HPSE2: variants seen among roughly 807,000 people sequenced by gnomAD.
The protein encoded by HPSE2 is heparanase 2 (inactive).
In HPSE2, 38 loss-of-function variants were observed where a neutral mutation model predicts 60.5. The ratio of observed to expected loss-of-function variants is 0.63; its 90% CI spans 0.48 to 0.82. HPSE2 has a LOEUF of 0.82. Among genes scored for constraint, HPSE2 ranks in the 40% least tolerant of loss-of-function variants. The pLI is 0.00. For synonymous variants in HPSE2, 295 were observed against 293.2 expected (o/e 1.01, Z -0.06); for missense variants, 713 against 740.4 (o/e 0.96, Z 0.43).
intron 9 of HPSE2, among the ~76,000 whole-genome samples, chr10:98,550,890 T>A (rs1943844741): frequency 6.6e-6 from 1 of 152,166 alleles, no homozygotes; most frequent in African/African-American, 2.4e-5. Flanking sequence ...ATTACAGGCA[T>A]GAGCCACTGA....
chr10:99,017,181 T>C (rs1241823172), intron 3 of HPSE2, among the ~76,000 whole-genome samples: 1 of 152,156 alleles, frequency 6.6e-6, no homozygotes, highest in East Asian at 1.9e-4. Context: ...ACATAGCTCT[T>C]ATTATTTTGA....
chr10:99,025,372 T>A (rs1486393160), intron 3 of HPSE2, among the ~76,000 whole-genome samples: 1 of 152,158 alleles, frequency 6.6e-6, no homozygotes, highest in Non-Finnish European at 1.5e-5. Flanking sequence ...GGAATATGAA[T>A]CATTCTACCA....
At chr10:98,706,859 A>G (rs1431246133) in intron 5 of HPSE2, among the ~76,000 whole-genome samples, 1 of 152,202 alleles carries the variant, frequency 6.6e-6, no homozygotes, top group Non-Finnish European at 1.5e-5. Context: ...ACAACAAGGT[A>G]CAAGTCCAGG....
chr10:99,129,702 A>G (rs928516291), intron 3 of HPSE2, among the ~76,000 whole-genome samples: 1 of 151,818 alleles, frequency 6.6e-6, no homozygotes, highest in Non-Finnish European at 1.5e-5. Context: ...ACAAATAAAC[A>G]ATCTAAGATC....
At chr10:99,131,140 C>G (rs147138875) in intron 3 of HPSE2, among the ~76,000 whole-genome samples, 1 of 152,168 alleles carries the variant, frequency 6.6e-6, no homozygotes, top group African/African-American at 2.4e-5. Flanking sequence ...ATCCAGCATC[C>G]CTTTATGATT....
intron 2 of HPSE2, among the ~76,000 whole-genome samples, chr10:99,192,603 AT>A (rs71009730): frequency 1.3e-5 from 2 of 150,736 alleles, no homozygotes; most frequent in Non-Finnish European, 1.5e-5. Flanking sequence ...TATCTGGCTA[AT>A]TTTTTTTTTA....
chr10:98,905,090 A>G lies in HPSE2; in HGVS notation c.611-161034T>C, dbSNP rs997328562. On this transcript the variant is annotated intron_variant, in intron 3 of 11. Coordinates refer to ENST00000370552, the MANE Select transcript of HPSE2 (RefSeq NM_021828.5). ...AAAATAGAGAACACAGAAAACATTC[A>G]TCACATATATGGGCTAAATGCTTGT... is the stretch of plus-strand genomic sequence containing the variant. Among the ~76,000 whole-genome samples, 4 of 152,320 alleles carry G rather than the reference A, an allele frequency of 2.6e-5. No homozygotes were observed. The East Asian group carries it at 7.7e-4, about 29-fold the overall frequency.
chr10:98,751,643 T>C (rs1032691907), intron 3 of HPSE2, among the ~76,000 whole-genome samples: 1 of 152,178 alleles, frequency 6.6e-6, no homozygotes. Context: ...ATTGTGAGCA[T>C]GTGAGAATAT....
At chr10:99,120,282 T>C (rs897086934) in intron 3 of HPSE2, among the ~76,000 whole-genome samples, 1 of 152,098 alleles carries the variant, frequency 6.6e-6, no homozygotes, top group Non-Finnish European at 1.5e-5. Flanking sequence ...GCAAAGGACA[T>C]GAAAAGACAC....
intron 3 of HPSE2, among the ~76,000 whole-genome samples, chr10:98,835,008 AT>A (rs1420038395): frequency 6.6e-6 from 1 of 152,152 alleles, no homozygotes; most frequent in Non-Finnish European, 1.5e-5. Context: ...AATTTCTAAT[AT>A]GGCAAATATT....
chr10:98,517,852 T>G (rs1942652243), intron 9 of HPSE2, among the ~76,000 whole-genome samples: 8 of 152,234 alleles, frequency 5.3e-5, no homozygotes, highest in Admixed American at 5.2e-4. Context: ...AAAACCTCTC[T>G]TATTTGACTG....
intron 3 of HPSE2, among the ~76,000 whole-genome samples, chr10:98,984,784 A>G (rs1004140754): frequency 6.6e-6 from 1 of 152,250 alleles, no homozygotes; most frequent in African/African-American, 2.4e-5. Flanking sequence ...ATCAATGCAG[A>G]GAAGTCCTTA....
chr10:98,514,330 A>T (rs1462287886), intron 9 of HPSE2, among the ~76,000 whole-genome samples: 1 of 152,202 alleles, frequency 6.6e-6, no homozygotes, highest in Non-Finnish European at 1.5e-5. Flanking sequence ...TGATAAAAAA[A>T]TTTTGGAAAT....
intron 9 of HPSE2, among the ~76,000 whole-genome samples, chr10:98,520,829 A>G (rs536986589): frequency 6.6e-6 from 1 of 152,322 alleles, no homozygotes; most frequent in African/African-American, 2.4e-5. Context: ...CCTCAGAAAT[A>G]ACACCACACA....
chr10:98,469,414 C>T (rs560144728), intron 11 of HPSE2, among the ~76,000 whole-genome samples: 1 of 152,304 alleles, frequency 6.6e-6, no homozygotes, highest in East Asian at 1.9e-4. Flanking sequence ...CCCCCTACCA[C>T]TGTAAAGAAT....
rs373963199 is a variant in HPSE2, at chr10:99,126,095, C to T, written c.610+18143G>A. The stretch of plus-strand genomic sequence containing the variant: ...CTTGCTTTCTCAGCAGGGAAGCTTA[C>T]GACCTGGTGCAAGGTCTGAGTGAGG... On this transcript the variant is annotated intron_variant, in intron 3 of 11. Transcript: ENST00000370552. This position sits in a 1 kb window ranked among gnomAD's most constrained non-coding sequence, Gnocchi z 4.0. Among the ~76,000 whole-genome samples, 17 of 152,248 alleles carry T rather than the reference C, an allele frequency of 1.1e-4. No individual in the cohort carries two copies. The South Asian group carries it at 1.9e-3, about 17-fold the overall frequency.
chr10:99,287,894 T>C, the HPSE2 span, among the ~76,000 whole-genome samples: 2 of 152,152 alleles, frequency 1.3e-5, no homozygotes, highest in Non-Finnish European at 2.9e-5. Context: ...TGGTAGGGGA[T>C]CCTAAACCCA....
chr10:99,021,338 C>T (rs531836039), intron 3 of HPSE2, among the ~76,000 whole-genome samples: 1 of 152,252 alleles, frequency 6.6e-6, no homozygotes, highest in South Asian at 2.1e-4. Context: ...AAAATTATTA[C>T]TCTTATTTCA....
intron 3 of HPSE2, among the ~76,000 whole-genome samples, chr10:99,131,975 G>A (rs1208565561): frequency 6.6e-6 from 1 of 151,568 alleles, no homozygotes. Flanking sequence ...AGCCAGATGT[G>A]GTGGCACATG....
Sources: allele counts gnomAD v4.1 joint callset (sites outside exome capture counted in the v4.1 genomes callset), GRCh38; gene constraint gnomAD v4.1.1; non-coding constraint Gnocchi (gnomAD v3.1); transcripts MANE v1.5; gene names NCBI Gene and HGNC (gene_info 2026-07-23, HGNC 2026-07-21).